The following FNDC3B variants were observed in gnomAD, a reference collection of about 807,000 sequenced individuals.
The protein encoded by FNDC3B is fibronectin type III domain containing 3B, also known as fibronectin type III domain-containing protein 3B.
FNDC3B carries 12 observed loss-of-function variants against 151.5 expected under a neutral mutation model. The ratio of observed to expected loss-of-function variants is 0.08; its 90% CI spans 0.05 to 0.13. The LOEUF (loss-of-function observed/expected upper bound fraction) is 0.13, where lower values mean the gene tolerates loss of function less well. Ranked by LOEUF, FNDC3B falls within the 10% of genes least tolerant of loss-of-function variation. FNDC3B has a pLI of 1.00. For synonymous variants in FNDC3B, 528 were observed against 549.0 expected (o/e 0.96, Z 0.54); for missense variants, 1,214 against 1,505.3 (o/e 0.81, Z 3.20).
intron 1 of FNDC3B, among the ~76,000 whole-genome samples, chr3:172,060,231 T>C (rs989814374): frequency 6.6e-6 from 1 of 152,188 alleles, no homozygotes. Context: ...TAAATATAAG[T>C]AATGAAAGAT....
intron 6 of FNDC3B, among the ~76,000 whole-genome samples, chr3:172,260,004 G>T (rs1728566101): frequency 6.6e-6 from 1 of 152,154 alleles, no homozygotes. Context: ...ATTTTGATTA[G>T]TTTTTACCAT....
chr3:172,307,324 A>T (rs192291271), intron 9 of FNDC3B, 39 bp from the exon 10 acceptor site: 1 of 1,607,124 alleles, frequency 6.2e-7, no homozygotes, highest in African/African-American at 1.3e-5. Context: ...GTCTTCTATG[A>T]TGAGTCACTG....
chr3:172,305,347 T>C (rs753275453), intron 9 of FNDC3B, among the ~76,000 whole-genome samples: 23 of 152,258 alleles, frequency 1.5e-4, no homozygotes, highest in South Asian at 8.3e-4. Flanking sequence ...TAAATATATT[T>C]TAATCCATTC....
chr3:172,152,863 G>A (rs891188065), intron 3 of FNDC3B, among the ~76,000 whole-genome samples: 4 of 152,132 alleles, frequency 2.6e-5, no homozygotes, highest in African/African-American at 4.8e-5. Context: ...GGCCAGCTAC[G>A]TGAAATGTGG....
chr3:172,329,966 CA>C (rs1732558622), intron 12 of FNDC3B: 1 of 152,210 alleles, frequency 6.6e-6, no homozygotes, highest in Non-Finnish European at 1.5e-5. Flanking sequence ...TTGTTGCTCA[CA>C]TTGATTTGAA....
At chr3:172,139,194 A>G (rs1721502998) in intron 3 of FNDC3B, among the ~76,000 whole-genome samples, 2 of 151,078 alleles carry the variant, frequency 1.3e-5, no homozygotes, top group East Asian at 1.9e-4. Context: ...TCCTTATATG[A>G]TACTTTAAGT....
chr3:172,252,414 C>T (rs1267005164), intron 6 of FNDC3B, among the ~76,000 whole-genome samples: 1 of 151,768 alleles, frequency 6.6e-6, no homozygotes, highest in African/African-American at 2.4e-5. Context: ...CATTCACAAT[C>T]ACATTCTCAC....
At chr3:172,085,425 G>A (rs1193430170) in intron 1 of FNDC3B, among the ~76,000 whole-genome samples, 2 of 152,084 alleles carry the variant, frequency 1.3e-5, no homozygotes, top group African/African-American at 4.8e-5. Flanking sequence ...GTTAAGAAAG[G>A]GCATTTGCTC....
At chr3:172,160,098 G>A (rs1327728995) in intron 3 of FNDC3B, among the ~76,000 whole-genome samples, 1 of 152,176 alleles carries the variant, frequency 6.6e-6, no homozygotes, top group Non-Finnish European at 1.5e-5. Context: ...CTGTAAACCT[G>A]TTTTCACTCT....
intron 3 of FNDC3B, among the ~76,000 whole-genome samples, chr3:172,211,331 G>T (rs953620307): frequency 3.3e-5 from 5 of 152,242 alleles, no homozygotes; most frequent in Non-Finnish European, 7.3e-5. Flanking sequence ...TGTCTCTGCA[G>T]TGGGTTGAGT....
At chr3:172,134,705 T>C (rs879932652) in intron 3 of FNDC3B, among the ~76,000 whole-genome samples, 4 of 152,188 alleles carry the variant, frequency 2.6e-5, no homozygotes, top group Non-Finnish European at 5.9e-5. Flanking sequence ...TCAAGGCTAA[T>C]GAGTTTTAAT....
At chr3:172,140,942 T>G (rs1040046270) in intron 3 of FNDC3B, among the ~76,000 whole-genome samples, 2 of 152,198 alleles carry the variant, frequency 1.3e-5, no homozygotes, top group African/African-American at 4.8e-5. Flanking sequence ...TAAGATGAAT[T>G]GGTGTTGAGT....
At chr3:172,262,820 C>A (rs2108792204) in intron 6 of FNDC3B, among the ~76,000 whole-genome samples, 1 of 136,342 alleles carries the variant, frequency 7.3e-6, no homozygotes, top group South Asian at 2.3e-4. Flanking sequence ...TTGTTTGAAG[C>A]CAGGAGGTCA....
chr3:172,272,106 A>G (rs530888970), intron 6 of FNDC3B, among the ~76,000 whole-genome samples: 29 of 152,230 alleles, frequency 1.9e-4, no homozygotes, highest in African/African-American at 7.0e-4. Context: ...AAATATGGAG[A>G]GATTATAAAC....
At chr3:172,221,993 G>T (rs1364171810) in intron 3 of FNDC3B, among the ~76,000 whole-genome samples, 3 of 152,020 alleles carry the variant, frequency 2.0e-5, no homozygotes, top group Non-Finnish European at 2.9e-5. Context: ...AAGACTGAAG[G>T]GTCACTTTTA....
chr3:172,112,987 G>A (rs1299047069), intron 2 of FNDC3B, among the ~76,000 whole-genome samples: 1 of 152,196 alleles, frequency 6.6e-6, no homozygotes. Flanking sequence ...GTAGGGCAGT[G>A]TGAACCCACC....
At chr3:172,082,021 T>C (rs964087556) in intron 1 of FNDC3B, among the ~76,000 whole-genome samples, 3 of 152,234 alleles carry the variant, frequency 2.0e-5, no homozygotes, top group African/African-American at 7.2e-5. Context: ...GACACTTTGA[T>C]AATACTTAAT....
chr3:172,139,806 G>C (rs1721530862), intron 3 of FNDC3B, among the ~76,000 whole-genome samples: 1 of 151,068 alleles, frequency 6.6e-6, no homozygotes, highest in Admixed American at 6.6e-5. Flanking sequence ...CAAAGACCTG[G>C]CTCTGAGACA....
At chr3:172,097,833 T>C (rs748212306) in intron 1 of FNDC3B, among the ~76,000 whole-genome samples, 1 of 152,210 alleles carries the variant, frequency 6.6e-6, no homozygotes, top group South Asian at 2.1e-4. Flanking sequence ...GATACACATA[T>C]CTTTTATTTT....
Sources: allele counts gnomAD v4.1 joint callset (sites outside exome capture counted in the v4.1 genomes callset), GRCh38; gene constraint gnomAD v4.1.1; transcripts MANE v1.5; gene names NCBI Gene and HGNC (gene_info 2026-07-23, HGNC 2026-07-21).